Variants in TMEM182 observed in about 807,000 individuals in gnomAD.
TMEM182 encodes transmembrane protein 182.
A neutral mutation model predicts 26.8 loss-of-function variants in TMEM182; 20 were observed. The ratio of observed to expected loss-of-function variants is 0.75; its 90% confidence interval spans 0.53 to 1.09. The LOEUF is 1.09. Ranked by LOEUF, TMEM182 falls within the 50% of genes least tolerant of loss-of-function variation. The pLI is 0.00. For synonymous variants in TMEM182, 109 were observed against 102.2 expected, an observed-to-expected ratio of 1.07 and a Z score of -0.40; for missense variants, 277 against 275.5, an observed-to-expected ratio of 1.01 and a Z score of -0.04.
intron 3 of TMEM182, among the ~76,000 whole-genome samples, chr2:102,789,098 C>A (rs1008926109): frequency 6.6e-6 from 1 of 152,084 alleles, no homozygotes; most frequent in Non-Finnish European, 1.5e-5. Flanking sequence ...TCATTTGCTG[C>A]GAGGGAGGTG....
At chr2:102,753,434 A>G (rs943507623) in intron 1 of TMEM182, among the ~76,000 whole-genome samples, 1 of 152,220 alleles carries the variant, frequency 6.6e-6, no homozygotes, top group Non-Finnish European at 1.5e-5. Flanking sequence ...AGTGTAAACT[A>G]TTCATTGGGG....
At chr2:102,823,913 G>T (rs1419144104) in intron 3 of TMEM182, among the ~76,000 whole-genome samples, 1 of 152,162 alleles carries the variant, frequency 6.6e-6, no homozygotes, top group Non-Finnish European at 1.5e-5. Flanking sequence ...TCATAATATT[G>T]CACTAGAACA....
chr2:102,750,276 A>G (rs1427983373), intron 1 of TMEM182, among the ~76,000 whole-genome samples: 1 of 152,224 alleles, frequency 6.6e-6, no homozygotes, highest in Admixed American at 6.5e-5. Flanking sequence ...AAAGTGGCAT[A>G]ACAGAAGTTT....
intron 1 of TMEM182, among the ~76,000 whole-genome samples, chr2:102,752,036 C>A (rs1679889210): frequency 6.6e-6 from 1 of 152,108 alleles, no homozygotes; most frequent in Non-Finnish European, 1.5e-5. Context: ...ACCATAATTG[C>A]CCACTTATAG....
At chr2:102,801,769 C>G (rs900798972) in intron 4 of TMEM182, among the ~76,000 whole-genome samples, 6 of 152,178 alleles carry the variant, frequency 3.9e-5, no homozygotes, top group African/African-American at 1.4e-4. Flanking sequence ...TCCTTTGTGT[C>G]CTAGCTTCTT....
intron 3 of TMEM182, among the ~76,000 whole-genome samples, chr2:102,791,170 A>G (rs1200565671): frequency 6.6e-6 from 1 of 152,158 alleles, no homozygotes; most frequent in African/African-American, 2.4e-5. Context: ...TCCTGACCAC[A>G]AATGATCTGC....
intron 3 of TMEM182, among the ~76,000 whole-genome samples, chr2:102,783,210 A>G (rs1681247833): frequency 6.6e-6 from 1 of 152,230 alleles, no homozygotes; most frequent in African/African-American, 2.4e-5. Context: ...CCTAAACCAT[A>G]TACAGAGTAG....
chr2:102,781,484 T>C (rs1681164325), intron 3 of TMEM182, among the ~76,000 whole-genome samples: 2 of 152,058 alleles, frequency 1.3e-5, no homozygotes, highest in African/African-American at 4.8e-5. Flanking sequence ...CGTCATGGCA[T>C]GGAGGTTATA....
At chr2:102,808,940 TTGAG>T (rs1302313407) in intron 4 of TMEM182, among the ~76,000 whole-genome samples, 1 of 152,228 alleles carries the variant, frequency 6.6e-6, no homozygotes, top group Non-Finnish European at 1.5e-5. Context: ...AAGAACCTCT[TTGAG>T]TGATGCATAC....
chr2:102,771,044 T>TA (rs1288619122), intron 3 of TMEM182, among the ~76,000 whole-genome samples: 1 of 152,200 alleles, frequency 6.6e-6, no homozygotes, highest in African/African-American at 2.4e-5. Context: ...GGGTCTTATT[T>TA]ATCAGTTTTT....
chr2:102,762,264 T>A lies in TMEM182; in HGVS notation c.47T>A (p.Leu16Ter). Reference sequence around the variant, plus strand: ...TTCTTTGGAGCTCTCTTTGGTGCTTTGGGGGTGTTACTCTTTTTGGTGGCT... The same window carrying A: ...TTCTTTGGAGCTCTCTTTGGTGCTTAGGGGGTGTTACTCTTTTTGGTGGCT... ...AIFFGALFGA[L>*]GVLLFLVAFG... The change falls in exon 1 of 5, where the codon TTG (leucine) becomes TAG (stop). Residue 16 changes from leucine to a stop codon, truncating the protein, a stop_gained. Transcript: ENST00000412401. LOFTEE classifies it high-confidence loss of function. 1 of 1,613,912 alleles carries A rather than the reference T, an allele frequency of 6.2e-7. No individual in the cohort carries two copies. Among genetic ancestry groups the A allele is most frequent in the Non-Finnish European group, 8.5e-7 (1 of 1,179,898 alleles).
At chr2:102,771,524 G>A (rs181407038) in intron 3 of TMEM182, among the ~76,000 whole-genome samples, 66 of 152,278 alleles carry the variant, frequency 4.3e-4, no homozygotes, top group Non-Finnish European at 7.6e-4. Context: ...TTTGTGTTCT[G>A]TACAATTTAT....
chr2:102,788,902 C>G (rs537595367), intron 3 of TMEM182, among the ~76,000 whole-genome samples: 2 of 152,262 alleles, frequency 1.3e-5, no homozygotes, highest in East Asian at 3.9e-4. Flanking sequence ...GGCATGTTCA[C>G]GATTGTGGGG....
chr2:102,744,964 G>A (rs1679649851), intron 1 of TMEM182, among the ~76,000 whole-genome samples: 1 of 152,042 alleles, frequency 6.6e-6, no homozygotes, highest in Admixed American at 6.5e-5. Flanking sequence ...TAATTCGGGA[G>A]TATTCTCAGC....
At chr2:102,840,935 G>T (rs890185795) in intron 3 of TMEM182, among the ~76,000 whole-genome samples, 1 of 152,168 alleles carries the variant, frequency 6.6e-6, no homozygotes, top group Admixed American at 6.5e-5. Context: ...CAACGACTCT[G>T]TTGTCTGCCG....
chr2:102,746,009 A>G (rs1351750643), intron 1 of TMEM182, among the ~76,000 whole-genome samples: 1 of 152,066 alleles, frequency 6.6e-6, no homozygotes, highest in Non-Finnish European at 1.5e-5. Flanking sequence ...CTTTGGAGAA[A>G]CTCAAACTGT....
At chr2:102,821,048 G>T (rs1573572975), downstream of TMEM182, among the ~76,000 whole-genome samples, 1 of 152,116 alleles carries the variant, frequency 6.6e-6, no homozygotes, top group East Asian at 1.9e-4. Flanking sequence ...TCCTGCAGTG[G>T]CCACAGGACA....
At chr2:102,740,912 C>G (rs896054819) in intron 1 of TMEM182, among the ~76,000 whole-genome samples, 1 of 152,158 alleles carries the variant, frequency 6.6e-6, no homozygotes, top group Non-Finnish European at 1.5e-5. Context: ...TCTATAACAA[C>G]ATGGATGAAT....
At position 102,839,471 on chromosome 2, in the gene TMEM182, A is replaced by ATATAT. The variant is rs1553446276; in HGVS notation, c.326-3941_326-3940insTATAT. ...GCTATATATATATATATATATATAT[A>ATATAT]ATATATACACACAAAAATAATTCCT... On this transcript the variant is annotated intron_variant, in intron 3 of 3. Coordinates refer to the TMEM182 transcript ENST00000486293. Among the ~76,000 whole-genome samples the ATATAT allele has an allele frequency of 1.0e-3, 138 of 134,862 alleles. 1 individual carries two copies. The highest frequency in any genetic ancestry group is 3.6e-3 in the African/African-American group (127 of 35,598). The allele number at this position is 134,862 out of a possible 152,430, so 88.5% of individuals were successfully genotyped here. A position where few individuals can be genotyped will look rare whatever the true frequency, so the allele number is the denominator to read the frequency against.
Sources: allele counts gnomAD v4.1 joint callset (sites outside exome capture counted in the v4.1 genomes callset), GRCh38; gene constraint gnomAD v4.1.1; transcripts MANE v1.5; gene names NCBI Gene and HGNC (gene_info 2026-07-23, HGNC 2026-07-21).